Variants in MGAT4C observed in about 807,000 individuals in gnomAD.
MGAT4C encodes alpha-1,3-mannosyl-glycoprotein 4-beta-N-acetylglucosaminyltransferase C.
In MGAT4C, 19 loss-of-function variants were observed where a neutral mutation model predicts 40.1. The ratio of observed to expected loss-of-function variants is 0.47; its 90% confidence interval spans 0.33 to 0.70. MGAT4C has a LOEUF of 0.70. MGAT4C is among the 30% of genes least tolerant of loss of function. The pLI, the probability that MGAT4C is intolerant of heterozygous loss-of-function variation, is 0.02. For missense variants in MGAT4C, 491 were observed against 563.2 expected, an observed-to-expected ratio of 0.87 and a Z score of 1.30; for synonymous variants, 181 against 187.1, an observed-to-expected ratio of 0.97 and a Z score of 0.27.
At chr12:86,236,266 C>A (rs935921124) in intron 1 of MGAT4C, among the ~76,000 whole-genome samples, 1 of 152,072 alleles carries the variant, frequency 6.6e-6, no homozygotes, top group African/African-American at 2.4e-5. Flanking sequence ...GGCCTGGATT[C>A]TTTTCAGCAC....
intron 2 of MGAT4C, among the ~76,000 whole-genome samples, chr12:86,711,646 A>G (rs981006812): frequency 6.6e-6 from 1 of 152,014 alleles, no homozygotes; most frequent in African/African-American, 2.4e-5. Context: ...TAAATGGAAG[A>G]AAAAAATATG....
chr12:86,268,403 C>T (rs1952842207), intron 4 of MGAT4C, among the ~76,000 whole-genome samples: 1 of 151,848 alleles, frequency 6.6e-6, no homozygotes, highest in Non-Finnish European at 1.5e-5. Flanking sequence ...CAAAATTTTG[C>T]TCATATAGAT....
At chr12:86,253,633 A>G (rs973269850) in intron 1 of MGAT4C, among the ~76,000 whole-genome samples, 1 of 151,980 alleles carries the variant, frequency 6.6e-6, no homozygotes, top group African/African-American at 2.4e-5. Context: ...ATATACACCT[A>G]AATATCCAGA....
intron 1 of MGAT4C, among the ~76,000 whole-genome samples, chr12:86,106,325 G>C (rs148658539): frequency 6.6e-6 from 1 of 152,026 alleles, no homozygotes; most frequent in East Asian, 1.9e-4. Flanking sequence ...TTGTTTCTGA[G>C]ATACAGTGTC....
rs1385287046 is a variant in MGAT4C, at chr12:86,087,861, C to CA, written c.-56-38139dup. Among the ~76,000 whole-genome samples, 4 of 151,460 alleles carry CA rather than the reference C, an allele frequency of 2.6e-5. No individual in the cohort carries two copies. In the East Asian group the frequency reaches 5.8e-4, roughly 22 times the overall value. Reference sequence around the variant, plus strand: ...ATCAAACTAACAACGATACTCTTCACAAAAATAGAAAAAAAAACTATTTAA... The same window carrying CA: ...ATCAAACTAACAACGATACTCTTCACAAAAAATAGAAAAAAAAACTATTTAA... On this transcript the variant is annotated intron_variant, in intron 1 of 4. Coordinates refer to ENST00000611864, the MANE Select transcript of MGAT4C (RefSeq NM_001351288.2).
intron 2 of MGAT4C, among the ~76,000 whole-genome samples, chr12:86,651,104 T>C (rs2136534973): frequency 6.6e-6 from 1 of 152,020 alleles, no homozygotes; most frequent in South Asian, 2.1e-4. Context: ...GTTGGTGGCA[T>C]TTAACGTTCT....
chr12:86,545,964 TC>T (rs1030678747), intron 2 of MGAT4C, among the ~76,000 whole-genome samples: 1 of 151,994 alleles, frequency 6.6e-6, no homozygotes, highest in African/African-American at 2.4e-5. Context: ...TTATATTTTT[TC>T]TTATCATGAT....
rs962759882 is a variant in MGAT4C, at chr12:86,170,167, T to C, written c.-57+86072A>G. On this transcript the variant is annotated intron_variant, in intron 1 of 4. Coordinates refer to ENST00000611864, the MANE Select transcript of MGAT4C (RefSeq NM_001351288.2). ...AAGGTTTCTTATATGAACAGAGTTT[T>C]TGAACATTCGTGACCCACTTTTAGT... Among the ~76,000 whole-genome samples, 12 of 152,354 alleles carry C rather than the reference T, an allele frequency of 7.9e-5. No homozygotes were observed. The East Asian group carries it at 1.4e-3, about 17-fold the overall frequency.
chr12:86,341,867 G>A (rs963485942), intron 3 of MGAT4C, among the ~76,000 whole-genome samples: 15 of 151,442 alleles, frequency 9.9e-5, no homozygotes, highest in African/African-American at 3.7e-4. Flanking sequence ...GCCCTAGGAC[G>A]GCACTCCTAG....
intron 1 of MGAT4C, among the ~76,000 whole-genome samples, chr12:86,182,077 T>C (rs1888194421): frequency 6.6e-6 from 1 of 152,118 alleles, no homozygotes; most frequent in African/African-American, 2.4e-5. Flanking sequence ...ATTTTCTAAG[T>C]TGATTTTCTA....
rs1883798599 is a variant in MGAT4C at position 85,974,323 on chromosome 12, G to A, written c.*4966C>T. On this transcript the variant is annotated 3_prime_UTR_variant, in exon 5 of 5. Coordinates refer to ENST00000611864, the MANE Select transcript of MGAT4C (RefSeq NM_001351288.2). ...AGAGGAACACAACCAGGAGGACAGT[G>A]TGTCAGGAAAATCCAAGAATAAGTG... The A allele has an allele frequency of 6.6e-6, 1 of 150,796 alleles. No homozygotes were observed. The highest frequency in any genetic ancestry group is 1.5e-5 in the Non-Finnish European group (1 of 67,038). 9.3% of individuals were successfully genotyped at this position (150,796 alleles called of 1,614,324 possible). A position where few individuals can be genotyped will look rare whatever the true frequency, so the allele number is the denominator to read the frequency against.
intron 1 of MGAT4C, among the ~76,000 whole-genome samples, chr12:86,773,252 G>A (rs989433307): frequency 6.6e-6 from 1 of 152,110 alleles, no homozygotes; most frequent in African/African-American, 2.4e-5. Context: ...TATGACTGGT[G>A]TCCTTATTAG....
At chr12:86,282,604 A>G (rs1342461837) in intron 4 of MGAT4C, among the ~76,000 whole-genome samples, 1 of 152,030 alleles carries the variant, frequency 6.6e-6, no homozygotes, top group South Asian at 2.1e-4. Context: ...GCTTCTCCAT[A>G]TATCTAGTAA....
chr12:86,249,883 A>G (rs1157365980), intron 1 of MGAT4C, among the ~76,000 whole-genome samples: 1 of 152,172 alleles, frequency 6.6e-6, no homozygotes, highest in Non-Finnish European at 1.5e-5. Flanking sequence ...CATAGAATAA[A>G]TCACTCCTTG....
intron 2 of MGAT4C, among the ~76,000 whole-genome samples, chr12:86,708,116 C>T (rs902838372): frequency 3.3e-5 from 5 of 152,110 alleles, no homozygotes; most frequent in Admixed American, 6.5e-5. Context: ...GCCCAGAGGC[C>T]TAGGAGGGAA....
At chr12:86,678,645 G>T (rs1347701392) in intron 2 of MGAT4C, among the ~76,000 whole-genome samples, 1 of 137,278 alleles carries the variant, frequency 7.3e-6, no homozygotes. Context: ...TGTTCTCATT[G>T]TTCAATTCCC....
At chr12:86,710,998 C>A (rs1353814869) in intron 2 of MGAT4C, among the ~76,000 whole-genome samples, 1 of 151,798 alleles carries the variant, frequency 6.6e-6, no homozygotes, top group Non-Finnish European at 1.5e-5. Context: ...GATGCAAATG[C>A]ATAAGAATGA....
intron 4 of MGAT4C, among the ~76,000 whole-genome samples, chr12:86,315,419 A>G (rs562100107): frequency 6.6e-6 from 1 of 152,196 alleles, no homozygotes; most frequent in South Asian, 2.1e-4. Context: ...ATCCTAGAAG[A>G]AGGCCGGGCG....
rs546080022 is a variant in MGAT4C, at chr12:86,692,722, A to C, written c.-229+34487T>G. On this transcript the variant is annotated intron_variant, in intron 2 of 7. Transcript: ENST00000548651. ...GTAAGGATTTTTAAAAGTAGAATAG[A>C]GTATACAGAATCAGATCCACCTATA... is the stretch of plus-strand genomic sequence containing the variant. 3.1e-4 allele frequency among the ~76,000 whole-genome samples: 47 copies of C among 152,306 alleles called. 1 individual carries two copies. Among genetic ancestry groups the C allele is most frequent in the South Asian group, 2.7e-3 (13 of 4,824 alleles).
Sources: gnomAD v4.1 joint callset for allele counts (sites outside exome capture counted in the v4.1 genomes callset) on GRCh38, gnomAD v4.1.1 for gene constraint, MANE v1.5 for transcripts, NCBI Gene and HGNC (gene_info 2026-07-23, HGNC 2026-07-21) for gene names.